ATP2C2: variants seen among roughly 807,000 people sequenced by gnomAD.
ATP2C2 encodes the protein calcium-transporting ATPase type 2C member 2.
A neutral mutation model predicts 110.8 loss-of-function variants in ATP2C2; 171 were observed. The ratio of observed to expected loss-of-function variants is 1.54; its 90% confidence interval spans 1.36 to 1.75. The LOEUF is 1.75. Ranked by LOEUF, ATP2C2 falls within the 40% of genes most tolerant of loss-of-function variation. The pLI is 0.00. For synonymous variants in ATP2C2, 804 were observed against 508.4 expected (o/e 1.58, Z -7.82); for missense variants, 1,963 against 1,235.0 (o/e 1.59, Z -8.84).
intron 7 of ATP2C2, among the ~76,000 whole-genome samples, chr16:84,419,395 A>G (rs1164532727): frequency 1.3e-5 from 2 of 150,828 alleles, no homozygotes; most frequent in African/African-American, 2.4e-5. Flanking sequence ...CACATCTCCA[A>G]CCCTCCGTCC....
chr16:84,442,201 A>G lies in ATP2C2; in HGVS notation c.1312-309A>G, dbSNP rs1462398507. On this transcript the variant is annotated intron_variant, in intron 14 of 26. Coordinates refer to ENST00000262429, the MANE Select transcript of ATP2C2 (RefSeq NM_014861.4). ...TTGTGCAAACTTCACCACTGTCTAG[A>G]ATACTTTGTCACCCCAAGTGGAAAT... 4.6e-5 allele frequency among the ~76,000 whole-genome samples: 7 copies of G among 152,170 alleles called. No homozygotes were observed. In the East Asian group the frequency reaches 1.4e-3, roughly 29 times the overall value.
intron 1 of ATP2C2, among the ~76,000 whole-genome samples, chr16:84,370,213 A>G (rs1320048698): frequency 6.6e-6 from 1 of 152,210 alleles, no homozygotes; most frequent in East Asian, 1.9e-4. Flanking sequence ...TCGTCCCTCC[A>G]AAGCTTTGCA....
Position 84,405,185 on chromosome 16 carries a change from G to A in ATP2C2, c.268G>A (p.Gly90Ser). 1.2e-6 allele frequency: 2 copies of A among 1,614,160 alleles called. No homozygotes were observed. Among genetic ancestry groups the A allele is most frequent in the South Asian group, 1.1e-5 (1 of 91,078 alleles). ...GGTGACGCAGCGCCGGCTGGCCCAT[G>A]GCTGGAATGAGTTTGTTGCTGACAA... Reference protein sequence around the residue: ...FSVTQRRLAHGWNEFVADNSE... With the variant: ...FSVTQRRLAHSWNEFVADNSE... The change falls in exon 3 of 27, where the codon GGC (glycine) becomes AGC (serine). Residue 90 changes from glycine to serine, a missense_variant. Physicochemically the swap from Gly to Ser is moderately conservative, Grantham distance 56. Transcript: ENST00000262429.
chr16:84,415,689 A>C (rs1906774563), intron 7 of ATP2C2, 98 bp downstream of exon 7: 1 of 956,638 alleles, frequency 1.0e-6, no homozygotes, highest in Admixed American at 2.6e-5. Flanking sequence ...TCTCTCATAC[A>C]CACATGCTCA....
At position 84,451,822 on chromosome 16, in the gene ATP2C2, G is replaced by A. The variant is rs1025000496; in HGVS notation, c.1661-99G>A. On this transcript the variant is annotated intron_variant, in intron 17 of 26. Coordinates refer to ENST00000262429, the MANE Select transcript of ATP2C2 (RefSeq NM_014861.4). ...CACTGCACTCCAACCTGGGCGATAAGAACAAAACTCTCTTAAAAAACAACA... is the reference window on the plus strand; with the variant it reads ...CACTGCACTCCAACCTGGGCGATAAAAACAAAACTCTCTTAAAAAACAACA... The A allele has an allele frequency of 2.0e-4, 255 of 1,274,998 alleles. 1 individual carries two copies. The highest frequency in any genetic ancestry group is 1.8e-4 in the Non-Finnish European group (168 of 918,486). The allele number at this position is 1,274,998 out of a possible 1,614,324, so 79.0% of individuals were successfully genotyped here.
chr16:84,439,339 G>A (rs1032908960), intron 12 of ATP2C2, 49 bp downstream of exon 12: 4 of 1,613,496 alleles, frequency 2.5e-6, no homozygotes, highest in Non-Finnish European at 3.4e-6. Context: ...TTGAATGGGG[G>A]CTTGGCTGTC....
rs1368259927 is a variant in ATP2C2 at position 84,420,875 on chromosome 16, G to A, written c.625-1515G>A. Among the ~76,000 whole-genome samples the A allele has an allele frequency of 4.6e-5, 7 of 152,174 alleles. No individual in the cohort carries two copies. In the South Asian group the frequency reaches 8.3e-4, roughly 18 times the overall value. On this transcript the variant is annotated intron_variant, in intron 7 of 26. Coordinates refer to ENST00000262429, the MANE Select transcript of ATP2C2 (RefSeq NM_014861.4). ...GGCTGGAGTGCAGTGGGGCAATCTC[G>A]GCTCACTGCAACCTCCGCCTCCTGG...
At chr16:84,377,743 G>C (rs1310535175) in intron 1 of ATP2C2, among the ~76,000 whole-genome samples, 4 of 152,022 alleles carry the variant, frequency 2.6e-5, no homozygotes, top group Non-Finnish European at 5.9e-5. Flanking sequence ...TGGGGGGGTT[G>C]GACAACTCAG....
rs751694377 is a variant in ATP2C2, at chr16:84,439,268, G to A, written c.1089G>A (p.Lys363=). The change falls in exon 12 of 27, where the codon AAG becomes AAA. Residue 363 remains lysine (K), a synonymous_variant. Coordinates refer to ENST00000262429, the MANE Select transcript of ATP2C2 (RefSeq NM_014861.4). ...RMAKKRVIVK[K]LPIVETLGCC... ...CCAAGAAGCGGGTCATCGTGAAGAA[G>A]TTACCCATCGTGGAGACTTTAGGTG... The A allele has an allele frequency of 1.9e-6, 3 of 1,612,740 alleles. No individual in the cohort carries two copies. Among genetic ancestry groups the A allele is most frequent in the South Asian group, 2.2e-5 (2 of 91,014 alleles).
Position 84,422,504 on chromosome 16 carries a change from T to C in ATP2C2, c.739T>C (p.Phe247Leu). The C allele has an allele frequency of 6.2e-7, 1 of 1,614,118 alleles. No individual in the cohort carries two copies. Among genetic ancestry groups the C allele is most frequent in the Non-Finnish European group, 8.5e-7 (1 of 1,180,022 alleles). The part of the protein sequence containing the change: ...GDLTTLSNIV[F>L]MGTLVQYGRG... Reference sequence around the variant, plus strand: ...CCTCACCACCCTCAGCAACATCGTCTTCATGGGGACCCTGGTGCAGTATGG... The same window carrying C: ...CCTCACCACCCTCAGCAACATCGTCCTCATGGGGACCCTGGTGCAGTATGG... Residue 247 changes from phenylalanine (F) to leucine (L), a missense_variant, in exon 8 of 27, where the codon TTC becomes CTC. Physicochemically the swap from Phe to Leu is conservative, Grantham distance 22. Coordinates refer to ENST00000262429, the MANE Select transcript of ATP2C2 (RefSeq NM_014861.4).
intron 15 of ATP2C2, among the ~76,000 whole-genome samples, chr16:84,444,730 C>G (rs565695905): frequency 1.3e-5 from 2 of 151,122 alleles, no homozygotes; most frequent in African/African-American, 2.4e-5. Flanking sequence ...GGTTCCAGCA[C>G]CCAGAAGAGA....
intron 11 of ATP2C2, among the ~76,000 whole-genome samples, chr16:84,434,548 C>T (rs1020017087): frequency 4.0e-5 from 6 of 151,634 alleles, no homozygotes; most frequent in Non-Finnish European, 8.8e-5. Context: ...GATGGAGTCT[C>T]TCTCTGTCAC....
At chr16:84,395,420 G>C (rs1303157677) in intron 1 of ATP2C2, among the ~76,000 whole-genome samples, 2 of 151,682 alleles carry the variant, frequency 1.3e-5, no homozygotes, top group African/African-American at 4.9e-5. Context: ...GGGGGCACAT[G>C]CTAGTCCTGC....
intron 11 of ATP2C2, among the ~76,000 whole-genome samples, chr16:84,429,406 G>A (rs977971311): frequency 6.6e-6 from 1 of 152,324 alleles, no homozygotes; most frequent in African/African-American, 2.4e-5. Flanking sequence ...ACCTGCCTCA[G>A]CCTCCCAAAG....
intron 11 of ATP2C2, among the ~76,000 whole-genome samples, chr16:84,434,814 G>A (rs746113321): frequency 6.6e-6 from 1 of 152,098 alleles, no homozygotes; most frequent in African/African-American, 2.4e-5. Context: ...CACCACACCC[G>A]GCCCATTCTA....
chr16:84,422,938 T>A (rs1276816069), intron 9 of ATP2C2, among the ~76,000 whole-genome samples: 1 of 152,122 alleles, frequency 6.6e-6, no homozygotes, highest in African/African-American at 2.4e-5. Context: ...GTGCCAGGAT[T>A]ACAGGCATAA....
At chr16:84,405,038 G>C in intron 2 of ATP2C2, 90 bp from the exon 3 acceptor site, 1 of 1,087,780 alleles carries the variant, frequency 9.2e-7, no homozygotes, top group Non-Finnish European at 1.4e-6. Flanking sequence ...CATCATGGAA[G>C]CCGCTGCCTT....
At chr16:84,379,595 G>A (rs188630213) in intron 1 of ATP2C2, among the ~76,000 whole-genome samples, 145 of 152,318 alleles carry the variant, frequency 9.5e-4, no homozygotes, top group Non-Finnish European at 1.6e-3. Context: ...GAAACTCTGG[G>A]CGGGGTCCCA....
chr16:84,462,101 C>T lies in ATP2C2; in HGVS notation c.2694C>T (p.Val898=). 1.2e-6 allele frequency: 2 copies of T among 1,613,888 alleles called. No individual in the cohort carries two copies. Among genetic ancestry groups the T allele is most frequent in the South Asian group, 1.1e-5 (1 of 91,036 alleles). ...AVIYIPPLQR[V]FQTENLGALD... is the part of the protein sequence containing the mutation. ...TTTACATCCCCCCGCTGCAGAGGGT[C>T]TTCCAGACGGAGAACCTGGGAGCGC... The change falls in exon 26 of 27, where the codon GTC becomes GTT. Residue 898 remains valine, a synonymous_variant. Coordinates refer to ENST00000262429, the MANE Select transcript of ATP2C2 (RefSeq NM_014861.4).
Sources: gnomAD v4.1 joint callset for allele counts (sites outside exome capture counted in the v4.1 genomes callset) on GRCh38, gnomAD v4.1.1 for gene constraint, MANE v1.5 for transcripts, NCBI Gene and HGNC (gene_info 2026-07-23, HGNC 2026-07-21) for gene names.